The following PRDM2 variants were observed in gnomAD, a reference collection of about 807,000 sequenced individuals.
The protein encoded by PRDM2 is PR domain zinc finger protein 2.
PRDM2 carries 30 observed loss-of-function variants against 130.0 expected under a neutral mutation model. The observed-to-expected ratio is 0.23, with a 90% CI of 0.17 to 0.31. The LOEUF (loss-of-function observed/expected upper bound fraction) is 0.31, where lower values mean the gene tolerates loss of function less well. PRDM2 is among the 10% of genes least tolerant of loss of function. The pLI, the probability that PRDM2 is intolerant of heterozygous loss-of-function variation, is 1.00. For missense variants in PRDM2, 2,011 were observed against 2,108.4 expected, an observed-to-expected ratio of 0.95 and a Z score of 0.90; for synonymous variants, 871 against 782.4, an observed-to-expected ratio of 1.11 and a Z score of -1.89.
chr1:13,795,210 A>T (rs1210076008), intron 8 of PRDM2, among the ~76,000 whole-genome samples: 1 of 152,258 alleles, frequency 6.6e-6, no homozygotes, highest in African/African-American at 2.4e-5. Flanking sequence ...CTTTGCTGAA[A>T]CAATAATAAT....
intron 2 of PRDM2, among the ~76,000 whole-genome samples, chr1:13,729,995 A>C (rs985347403): frequency 2.0e-5 from 3 of 152,196 alleles, no homozygotes; most frequent in Non-Finnish European, 4.4e-5. Context: ...AGACGACAAG[A>C]GCTTCCTGGT....
At chr1:13,802,123 C>T (rs1317226934) in intron 8 of PRDM2, among the ~76,000 whole-genome samples, 3 of 152,220 alleles carry the variant, frequency 2.0e-5, no homozygotes, top group Non-Finnish European at 4.4e-5. Flanking sequence ...TACTATTCAA[C>T]CCCGGACCCT....
chr1:13,822,824 C>A (rs1236593252), intron 9 of PRDM2, among the ~76,000 whole-genome samples: 1 of 152,124 alleles, frequency 6.6e-6, no homozygotes, highest in Non-Finnish European at 1.5e-5. Flanking sequence ...ACTGATTGAC[C>A]CTATTTATTT....
At chr1:13,714,162 C>T (rs1642463775) in intron 1 of PRDM2, among the ~76,000 whole-genome samples, 1 of 152,176 alleles carries the variant, frequency 6.6e-6, no homozygotes, top group African/African-American at 2.4e-5. Context: ...AGCCACTGTG[C>T]CCGGCCCAAA....
intron 5 of PRDM2, among the ~76,000 whole-genome samples, chr1:13,748,987 G>A (rs12732927): frequency 1.3e-5 from 2 of 152,208 alleles, no homozygotes; most frequent in African/African-American, 4.8e-5. Context: ...ACGCTTTTCA[G>A]TTATGCTTTA....
chr1:13,823,237 G>A lies in PRDM2; in HGVS notation c.*102G>A. The A allele has an allele frequency of 6.3e-7, 1 of 1,588,516 alleles. No individual in the cohort carries two copies. The highest frequency in any genetic ancestry group is 8.6e-7 in the Non-Finnish European group (1 of 1,158,070). On this transcript the variant is annotated 3_prime_UTR_variant, in exon 10 of 10. Coordinates refer to ENST00000311066, the MANE Select transcript of PRDM2 (RefSeq NM_001393986.1). ...CAGGGAGTACCGACCTATCCCAGTT[G>A]TGTGAGGCTGCGAGAGAAAGGGAGT...
At chr1:13,740,880 G>C (rs1643417867) in intron 4 of PRDM2, among the ~76,000 whole-genome samples, 1 of 152,174 alleles carries the variant, frequency 6.6e-6, no homozygotes, top group Non-Finnish European at 1.5e-5. Context: ...CCATCAGCGG[G>C]GGGAGTGGGA....
At chr1:13,785,012 T>A (rs975357241) in intron 8 of PRDM2, among the ~76,000 whole-genome samples, 1 of 152,226 alleles carries the variant, frequency 6.6e-6, no homozygotes, top group African/African-American at 2.4e-5. Context: ...AAGTGTTTGT[T>A]TTGGTCTTAG....
rs954564135 is a variant in PRDM2, at chr1:13,771,474, G to A, written c.512-1604G>A. Among the ~76,000 whole-genome samples, 26 of 152,254 alleles carry A rather than the reference G, an allele frequency of 1.7e-4. No individual in the cohort carries two copies. Among genetic ancestry groups the A allele is most frequent in the Non-Finnish European group, 3.7e-4 (25 of 68,046 alleles). ...AGGCCGGGCACGGTGGCTCATGCCT[G>A]TAATCCCAGCACTCTGGGAGGCCGA... is the stretch of plus-strand genomic sequence containing the variant. On this transcript the variant is annotated intron_variant, in intron 6 of 9. Coordinates refer to ENST00000311066, the MANE Select transcript of PRDM2 (RefSeq NM_001393986.1). The surrounding 1 kb of genome is among the most constrained non-coding windows in gnomAD (Gnocchi z 4.1).
rs572479926 is a variant in PRDM2 at position 13,789,574 on chromosome 1, G to A, written c.5036+6743G>A. Among the ~76,000 whole-genome samples the A allele has an allele frequency of 1.2e-3, 178 of 152,308 alleles. 3 individuals carry two copies. The South Asian group carries it at 0.036, about 31-fold the overall frequency. On this transcript the variant is annotated intron_variant, in intron 8 of 9. Transcript: ENST00000311066. ...CTTCTAGCTTAATATCTGAATGCCA[G>A]TAATCTAGATGACTGCCGGCTTTTA... is the stretch of plus-strand genomic sequence containing the variant.
rs41269803 is a variant in PRDM2 at position 13,778,796 on chromosome 1, G to A, written c.1001G>A (p.Cys334Tyr). 0.021 allele frequency: 33,696 copies of A among 1,614,086 alleles called. 441 individuals carry two copies. Among genetic ancestry groups the A allele is most frequent in the Middle Eastern group, 0.029 (176 of 6,062 alleles). Reference protein sequence around the residue: ...KTTSEETLEDCSEVTPAMQIP... With the variant: ...KTTSEETLEDYSEVTPAMQIP... ...ACTTCAGAAGAAACTCTTGAAGACT[G>A]CTCAGAGGTAACACCTGCCATGCAA... The change falls in exon 8 of 10, where the codon TGC becomes TAC. Residue 334 changes from cysteine to tyrosine, a missense_variant. Physicochemically the swap from Cys to Tyr is radical, Grantham distance 194 (BLOSUM62 -2). Coordinates refer to ENST00000311066, the MANE Select transcript of PRDM2 (RefSeq NM_001393986.1).
At chr1:13,775,887 C>G (rs373398358) in intron 7 of PRDM2, among the ~76,000 whole-genome samples, 3 of 152,146 alleles carry the variant, frequency 2.0e-5, no homozygotes, top group Admixed American at 6.5e-5. Context: ...ACCCTGCAGC[C>G]GAATCTCCCA....
rs61747665 is a variant in PRDM2, at chr1:13,782,493, A to G, written c.4698A>G (p.Lys1566=). 0.021 allele frequency: 33,342 copies of G among 1,614,116 alleles called. 647 individuals carry two copies. The highest frequency in any genetic ancestry group is 0.088 in the South Asian group (8,008 of 91,080). Reference sequence around the variant, plus strand: ...AGTTTGCAGCTTCGGTGAAATCCAAAAAACCAAGCTCCTCCTCTTTAAGGA... The same window carrying G: ...AGTTTGCAGCTTCGGTGAAATCCAAGAAACCAAGCTCCTCCTCTTTAAGGA... ...NVKFAASVKS[K]KPSSSSLRNS... is the part of the protein sequence containing the mutation. The change falls in exon 8 of 10, where the codon AAA becomes AAG. Residue 1566 remains lysine, a synonymous_variant. Transcript: ENST00000311066.
intron 4 of PRDM2, among the ~76,000 whole-genome samples, chr1:13,735,561 A>G (rs2100486798): frequency 6.6e-6 from 1 of 151,838 alleles, no homozygotes; most frequent in East Asian, 1.9e-4. Flanking sequence ...AAATACACTT[A>G]GTTGTTTTTG....
intron 1 of PRDM2, among the ~76,000 whole-genome samples, chr1:13,704,450 A>G (rs1225131574): frequency 6.6e-6 from 1 of 152,224 alleles, no homozygotes; most frequent in Non-Finnish European, 1.5e-5. Flanking sequence ...GGAACATGCA[A>G]TAAAGGAGAT....
chr1:13,765,429 G>T (rs1028434660), intron 6 of PRDM2, among the ~76,000 whole-genome samples: 1 of 151,794 alleles, frequency 6.6e-6, no homozygotes. Context: ...AATTCCAGTC[G>T]ACCTTCACCA....
chr1:13,819,242 A>G (rs753738725), intron 9 of PRDM2, among the ~76,000 whole-genome samples: 7 of 152,254 alleles, frequency 4.6e-5, no homozygotes, highest in Non-Finnish European at 8.8e-5. Context: ...AGGCTTGGCC[A>G]TGACGAAGAT....
At chr1:13,705,826 G>A (rs574457595) in intron 1 of PRDM2, among the ~76,000 whole-genome samples, 5 of 151,568 alleles carry the variant, frequency 3.3e-5, no homozygotes, top group African/African-American at 7.3e-5. Context: ...TACTAAAAAC[G>A]CAAAAATTAG....
At chr1:13,731,556 TGTGCCTCCA>T (rs1475347365) in intron 3 of PRDM2, among the ~76,000 whole-genome samples, 2 of 152,248 alleles carry the variant, frequency 1.3e-5, no homozygotes, top group African/African-American at 4.8e-5. Context: ...TATGTATCTT[TGTGCCTCCA>T]GTACCAGATA....
Sources: allele counts gnomAD v4.1 joint callset (sites outside exome capture counted in the v4.1 genomes callset), GRCh38; gene constraint gnomAD v4.1.1; non-coding constraint Gnocchi (gnomAD v3.1); transcripts MANE v1.5; gene names NCBI Gene and HGNC (gene_info 2026-07-23, HGNC 2026-07-21).